The following ANK3 variants were observed in gnomAD, a reference collection of about 807,000 sequenced individuals.
ANK3 encodes ankyrin 3.
A neutral mutation model predicts 370.9 loss-of-function variants in ANK3; 57 were observed. The observed-to-expected ratio is 0.15, with a 90% confidence interval of 0.12 to 0.19. The LOEUF is 0.19. Ranked by LOEUF, ANK3 falls within the 10% of genes least tolerant of loss-of-function variation. The probability of loss-of-function intolerance (pLI) is 1.00; values close to 1 mark genes in which losing one functional copy is unlikely to be tolerated. For missense variants in ANK3, 4,439 were observed against 5,302.1 expected (o/e 0.84, Z 5.06); for synonymous variants, 1,929 against 1,946.3 (o/e 0.99, Z 0.23).
intron 2 of ANK3, among the ~76,000 whole-genome samples, chr10:60,587,295 G>A (rs1567166166): frequency 6.6e-6 from 1 of 152,144 alleles, no homozygotes. Flanking sequence ...TGAGATCTGG[G>A]TGGGGATACA....
At chr10:60,517,770 G>C (rs1377055160) in intron 2 of ANK3, among the ~76,000 whole-genome samples, 1 of 146,768 alleles carries the variant, frequency 6.8e-6, no homozygotes, top group African/African-American at 2.5e-5. Flanking sequence ...GAGAGAGAGA[G>C]AGAGACAGAA....
intron 2 of ANK3, among the ~76,000 whole-genome samples, chr10:60,471,442 A>G (rs1266321595): frequency 6.6e-6 from 1 of 152,278 alleles, no homozygotes; most frequent in East Asian, 1.9e-4. Context: ...AGATCTTCCC[A>G]TGCAGATATA....
intron 5 of ANK3, among the ~76,000 whole-genome samples, chr10:60,267,441 G>A (rs1207577725): frequency 1.3e-5 from 2 of 152,094 alleles, no homozygotes; most frequent in African/African-American, 4.8e-5. Flanking sequence ...AGACATGAAC[G>A]TGACTTAATA....
intron 42 of ANK3, among the ~76,000 whole-genome samples, chr10:60,052,142 C>G (rs955037910): frequency 6.6e-6 from 1 of 152,132 alleles, no homozygotes; most frequent in Non-Finnish European, 1.5e-5. Context: ...GGGTGGATCA[C>G]TTGAGGTCAG....
At chr10:60,175,192 C>T (rs73263109) in intron 18 of ANK3, among the ~76,000 whole-genome samples, 1,658 of 152,308 alleles carry the variant, frequency 0.011, 32 homozygotes, top group African/African-American at 0.037. Flanking sequence ...CTCCCTTGGT[C>T]GCTGTGCTCC....
intron 1 of ANK3, among the ~76,000 whole-genome samples, chr10:60,335,273 C>T (rs990866052): frequency 2.0e-5 from 3 of 151,972 alleles, no homozygotes; most frequent in African/African-American, 7.3e-5. Flanking sequence ...CTCTACTTCA[C>T]ATTCAATCTC....
chr10:60,379,706 G>A (rs557749638), intron 1 of ANK3, among the ~76,000 whole-genome samples: 3 of 152,148 alleles, frequency 2.0e-5, no homozygotes, highest in South Asian at 4.2e-4. Flanking sequence ...AATACTAGAG[G>A]CTGGAAAGGT....
At chr10:60,535,082 A>G (rs1414882426) in intron 2 of ANK3, among the ~76,000 whole-genome samples, 1 of 152,144 alleles carries the variant, frequency 6.6e-6, no homozygotes, top group East Asian at 1.9e-4. Flanking sequence ...AGCTTGAGAC[A>G]TGTTTTTCTT....
intron 25 of ANK3, among the ~76,000 whole-genome samples, chr10:60,124,583 A>C (rs1422447748): frequency 6.6e-6 from 1 of 152,224 alleles, no homozygotes; most frequent in African/African-American, 2.4e-5. Flanking sequence ...CATCACAGGG[A>C]GAAGTCAGAG....
At chr10:60,176,762 A>AAAAT (rs559879577) in intron 18 of ANK3, among the ~76,000 whole-genome samples, 4 of 151,808 alleles carry the variant, frequency 2.6e-5, no homozygotes, top group Middle Eastern at 3.4e-3. Context: ...TTCGTCTCAA[A>AAAAT]AAATAAATAA....
Position 60,181,418 on chromosome 10 carries a change from T to A in ANK3, c.2095A>T (p.Thr699Ser). ...TCTTGAGCAGCCAAATGGAGTGGGG[T>A]CAGGCCGCTCTGCAAAAGATTCAAA... ...NVNLSNKSGL[T>S]PLHLAAQEDR... Residue 699 changes from threonine to serine, a missense_variant, in exon 18 of 44, where the codon ACC becomes TCC. Coordinates refer to ENST00000280772, the MANE Select transcript of ANK3 (RefSeq NM_020987.5). The A allele has an allele frequency of 6.2e-7, 1 of 1,614,080 alleles. No homozygotes were observed. Among genetic ancestry groups the A allele is most frequent in the Non-Finnish European group, 8.5e-7 (1 of 1,179,984 alleles).
intron 2 of ANK3, among the ~76,000 whole-genome samples, chr10:60,438,532 T>A (rs2064214514): frequency 6.6e-6 from 1 of 152,156 alleles, no homozygotes; most frequent in Non-Finnish European, 1.5e-5. Flanking sequence ...AAATGCCAAG[T>A]GTGGGGAAGA....
intron 8 of ANK3, among the ~76,000 whole-genome samples, chr10:60,232,382 G>T (rs1269741875): frequency 6.6e-6 from 1 of 151,976 alleles, no homozygotes; most frequent in Non-Finnish European, 1.5e-5. Flanking sequence ...TTCTCCATGT[G>T]ATAATCAGGC....
intron 1 of ANK3, among the ~76,000 whole-genome samples, chr10:60,690,959 T>C (rs1006398259): frequency 6.6e-6 from 1 of 152,248 alleles, no homozygotes; most frequent in African/African-American, 2.4e-5. Flanking sequence ...AATCTGCCCA[T>C]AGACCACTAT....
intron 2 of ANK3, among the ~76,000 whole-genome samples, chr10:60,527,979 C>T (rs2076513447): frequency 6.6e-6 from 1 of 152,030 alleles, no homozygotes; most frequent in Non-Finnish European, 1.5e-5. Flanking sequence ...TGATGGCTGT[C>T]ACATCAACCT....
At chr10:60,094,109 A>G (rs1414475817) in intron 28 of ANK3, among the ~76,000 whole-genome samples, 1 of 152,132 alleles carries the variant, frequency 6.6e-6, no homozygotes, top group Non-Finnish European at 1.5e-5. Flanking sequence ...CTTAAATAGA[A>G]TCACATGCAC....
chr10:60,073,061 T>C lies in ANK3; in HGVS notation c.7820A>G (p.Gln2607Arg). 3 of 1,614,168 alleles carry C rather than the reference T, an allele frequency of 1.9e-6. No individual in the cohort carries two copies. The highest frequency in any genetic ancestry group is 2.2e-5 in the East Asian group (1 of 44,868). Reference sequence around the variant, plus strand: ...AGGGCGTGCCTTTTTCTCTGGGGACTGCAGTTCATCATTTAGCTTTTCAGT... The same window carrying C: ...AGGGCGTGCCTTTTTCTCTGGGGACCGCAGTTCATCATTTAGCTTTTCAGT... ...DKTEKLNDEL[Q>R]SPEKKARPKN... Residue 2607 changes from glutamine to arginine, a missense_variant, in exon 37 of 44, where the codon CAG becomes CGG. By Grantham distance (43) the Gln-to-Arg change is conservative (BLOSUM62 1). This residue lies in a region of ANK3 where 1,601 missense variants were observed against 1,731.7 expected (regional missense o/e 0.92). Transcript: ENST00000280772.
chr10:60,187,892 G>C (rs936666535), intron 16 of ANK3, among the ~76,000 whole-genome samples: 45 of 152,126 alleles, frequency 3.0e-4, no homozygotes, highest in African/African-American at 1.1e-3. Context: ...GCATCTGTCA[G>C]CTGAAAATTC....
intron 2 of ANK3, among the ~76,000 whole-genome samples, chr10:60,506,439 G>T (rs539661197): frequency 6.6e-6 from 1 of 152,144 alleles, no homozygotes; most frequent in East Asian, 1.9e-4. Context: ...CCAAAGTTTG[G>T]GGACTCAAAA....
Sources: gnomAD v4.1 joint callset for allele counts (sites outside exome capture counted in the v4.1 genomes callset) on GRCh38, gnomAD v4.1.1 for gene constraint, gnomAD v4.1.1 regional missense constraint, MANE v1.5 for transcripts, NCBI Gene and HGNC (gene_info 2026-07-23, HGNC 2026-07-21) for gene names.